SGCZ: variants seen among roughly 807,000 people sequenced by gnomAD.
SGCZ encodes the protein zeta-sarcoglycan.
In SGCZ, 40 loss-of-function variants were observed where a neutral mutation model predicts 41.3. That is an observed-to-expected ratio of 0.97 (90% CI 0.75 to 1.26). SGCZ has a LOEUF of 1.26. SGCZ is among the 50% of genes most tolerant of loss of function. The pLI is 0.00. For missense variants in SGCZ, 552 were observed against 369.8 expected, an observed-to-expected ratio of 1.49 and a Z score of -4.04; for synonymous variants, 206 against 137.5, an observed-to-expected ratio of 1.50 and a Z score of -3.49.
intron 5 of SGCZ, among the ~76,000 whole-genome samples, chr8:14,134,318 C>T (rs1803129640): frequency 6.6e-6 from 1 of 152,162 alleles, no homozygotes; most frequent in Non-Finnish European, 1.5e-5. Context: ...AACATACACA[C>T]TTTCAGAGCC....
At chr8:14,096,398 T>G (rs1427945166) in intron 7 of SGCZ, among the ~76,000 whole-genome samples, 1 of 151,870 alleles carries the variant, frequency 6.6e-6, no homozygotes, top group Non-Finnish European at 1.5e-5. Flanking sequence ...TGTGATTGAT[T>G]GATTACATAT....
chr8:15,063,139 C>A (rs556173359), intron 1 of SGCZ, among the ~76,000 whole-genome samples: 2 of 152,064 alleles, frequency 1.3e-5, no homozygotes, highest in Non-Finnish European at 1.5e-5. Context: ...TGAAGTTCCA[C>A]GGTGCTATGT....
intron 1 of SGCZ, among the ~76,000 whole-genome samples, chr8:14,777,280 T>C (rs1800433533): frequency 6.6e-6 from 1 of 152,140 alleles, no homozygotes; most frequent in Non-Finnish European, 1.5e-5. Context: ...TCTGAAGCCA[T>C]AATATATAAC....
intron 4 of SGCZ, among the ~76,000 whole-genome samples, chr8:14,179,943 TG>T (rs1804667825): frequency 6.6e-6 from 1 of 152,172 alleles, no homozygotes; most frequent in African/African-American, 2.4e-5. Flanking sequence ...AACATATTGG[TG>T]AAACCGGCCC....
At chr8:14,567,964 C>G (rs1458790855) in intron 1 of SGCZ, among the ~76,000 whole-genome samples, 3 of 152,196 alleles carry the variant, frequency 2.0e-5, no homozygotes, top group Non-Finnish European at 4.4e-5. Context: ...CTATAACGCT[C>G]ACCGCGAGGG....
chr8:14,256,859 A>C (rs1247225872), intron 3 of SGCZ, among the ~76,000 whole-genome samples: 2 of 152,208 alleles, frequency 1.3e-5, no homozygotes, highest in Non-Finnish European at 2.9e-5. Flanking sequence ...CAGCTAAATT[A>C]ATTATTTATA....
At chr8:14,405,567 C>G (rs1402339140) in intron 2 of SGCZ, among the ~76,000 whole-genome samples, 1 of 151,742 alleles carries the variant, frequency 6.6e-6, no homozygotes, top group African/African-American at 2.4e-5. Flanking sequence ...AAGAATTATG[C>G]TTGCCTATGT....
chr8:15,222,273 G>A (rs1801628987), intron 1 of SGCZ, among the ~76,000 whole-genome samples: 1 of 152,080 alleles, frequency 6.6e-6, no homozygotes, highest in African/African-American at 2.4e-5. Context: ...CAGGGAGAGA[G>A]AATCTCACTA....
chr8:14,264,882 G>C (rs946477863), intron 3 of SGCZ, among the ~76,000 whole-genome samples: 14 of 152,172 alleles, frequency 9.2e-5, no homozygotes, highest in African/African-American at 3.4e-4. Flanking sequence ...AGAATGGCGT[G>C]AACCCGGGAG....
intron 1 of SGCZ, among the ~76,000 whole-genome samples, chr8:15,043,395 A>G (rs1030297740): frequency 1.1e-4 from 17 of 152,150 alleles, no homozygotes; most frequent in Admixed American, 7.2e-4. Flanking sequence ...GTATAAATCT[A>G]TGCTGGTCCA....
At chr8:14,456,860 C>G (rs1265664883) in intron 2 of SGCZ, among the ~76,000 whole-genome samples, 2 of 152,124 alleles carry the variant, frequency 1.3e-5, no homozygotes, top group African/African-American at 4.8e-5. Context: ...CTCATAAGAT[C>G]TGGTGGTTTA....
intron 3 of SGCZ, among the ~76,000 whole-genome samples, chr8:14,275,506 T>A (rs1252138063): frequency 6.6e-6 from 1 of 152,162 alleles, no homozygotes; most frequent in Non-Finnish European, 1.5e-5. Flanking sequence ...TTTCTCTGTT[T>A]GATCACTCAG....
chr8:14,216,576 G>A (rs1234521730), intron 4 of SGCZ, among the ~76,000 whole-genome samples: 2 of 152,100 alleles, frequency 1.3e-5, no homozygotes, highest in South Asian at 2.1e-4. Flanking sequence ...ATGACTTAGC[G>A]GGATTTATTC....
intron 1 of SGCZ, among the ~76,000 whole-genome samples, chr8:14,626,552 T>G (rs1806461044): frequency 6.6e-6 from 1 of 152,112 alleles, no homozygotes; most frequent in South Asian, 2.1e-4. Flanking sequence ...TGTAAATATT[T>G]AAGTAAAAAT....
At chr8:14,239,922 A>C (rs1451851158) in intron 3 of SGCZ, among the ~76,000 whole-genome samples, 1 of 130,228 alleles carries the variant, frequency 7.7e-6, no homozygotes. Context: ...AAAAAAAAAA[A>C]AAAAAAAAAA....
chr8:15,154,064 G>C (rs1799255956), intron 1 of SGCZ, among the ~76,000 whole-genome samples: 1 of 151,914 alleles, frequency 6.6e-6, no homozygotes, highest in African/African-American at 2.4e-5. Flanking sequence ...TCTGACAGGA[G>C]ATGAAGCTCA....
chr8:14,622,650 A>C (rs1423872425), intron 1 of SGCZ, among the ~76,000 whole-genome samples: 1 of 152,202 alleles, frequency 6.6e-6, no homozygotes, highest in African/African-American at 2.4e-5. Context: ...TTAGAAAATA[A>C]TTTAGGTTAC....
chr8:14,871,076 G>T (rs140201944), intron 1 of SGCZ, among the ~76,000 whole-genome samples: 2 of 151,924 alleles, frequency 1.3e-5, no homozygotes, highest in African/African-American at 4.8e-5. Context: ...GTGTGGTGGC[G>T]CATGCCTGTA....
At chr8:14,289,579 G>A (rs1800770206) in intron 3 of SGCZ, among the ~76,000 whole-genome samples, 2 of 151,952 alleles carry the variant, frequency 1.3e-5, no homozygotes, top group Non-Finnish European at 2.9e-5. Flanking sequence ...CTGACCATTG[G>A]TCTATGTGTC....
Sources: allele counts gnomAD v4.1 joint callset (sites outside exome capture counted in the v4.1 genomes callset), GRCh38; gene constraint gnomAD v4.1.1; transcripts MANE v1.5; gene names NCBI Gene and HGNC (gene_info 2026-07-23, HGNC 2026-07-21).